The following RFX3 variants were observed in gnomAD, a reference collection of about 807,000 sequenced individuals.
The protein encoded by RFX3 is transcription factor RFX3.
Under a neutral mutation model 98.6 loss-of-function variants are expected in RFX3, and 14 were observed. The ratio of observed to expected loss-of-function variants is 0.14; its 90% CI spans 0.09 to 0.22. The LOEUF (loss-of-function observed/expected upper bound fraction) is 0.22. Among genes scored for constraint, RFX3 ranks in the 10% least tolerant of loss-of-function variants. The pLI is 1.00. For synonymous variants in RFX3, 383 were observed against 328.4 expected (o/e 1.17, Z -1.80); for missense variants, 639 against 926.9 (o/e 0.69, Z 4.03).
intron 1 of RFX3, among the ~76,000 whole-genome samples, chr9:3,426,656 A>C (rs1844065351): frequency 6.6e-6 from 1 of 152,144 alleles, no homozygotes; most frequent in African/African-American, 2.4e-5. Flanking sequence ...ATAGGAATGC[A>C]AACCCTGTTG....
intron 14 of RFX3, among the ~76,000 whole-genome samples, chr9:3,253,031 A>T (rs920127909): frequency 7.9e-5 from 12 of 152,232 alleles, no homozygotes. Flanking sequence ...CTTCCGTAAG[A>T]AATGTTGTAA....
chr9:3,228,995 A>T lies in RFX3; in HGVS notation c.1969-106T>A, dbSNP rs532603694. The T allele has an allele frequency of 2.3e-5, 20 of 856,920 alleles. 1 individual carries two copies. Among genetic ancestry groups the T allele is most frequent in the South Asian group, 1.8e-4 (9 of 49,518 alleles). The allele number at this position is 856,920 out of a possible 1,614,324, so 53.1% of individuals were successfully genotyped here. On this transcript the variant is annotated intron_variant, in intron 15 of 16. Transcript: ENST00000617270. ...CAATCTATGACTCTTTAAAACTGTA[A>T]ACTAGTGGCCATTTTGATCTCTAAT...
intron 2 of RFX3, among the ~76,000 whole-genome samples, chr9:3,373,009 A>G (rs905845141): frequency 6.6e-6 from 1 of 152,224 alleles, no homozygotes; most frequent in Non-Finnish European, 1.5e-5. Context: ...TTATAATACA[A>G]AACTAAAAAT....
At chr9:3,377,084 C>T (rs1014115190) in intron 2 of RFX3, among the ~76,000 whole-genome samples, 27 of 152,152 alleles carry the variant, frequency 1.8e-4, no homozygotes, top group African/African-American at 6.5e-4. Context: ...CCCAGCCATC[C>T]CATTACTGGG....
At chr9:3,254,664 A>G (rs903813057) in intron 14 of RFX3, among the ~76,000 whole-genome samples, 1 of 151,910 alleles carries the variant, frequency 6.6e-6, no homozygotes, top group South Asian at 2.1e-4. Context: ...CAGCCTCCCG[A>G]GTAGCTGGGA....
At chr9:3,514,123 A>G (rs780489320) in intron 1 of RFX3, among the ~76,000 whole-genome samples, 3 of 152,218 alleles carry the variant, frequency 2.0e-5, no homozygotes, top group Admixed American at 6.5e-5. Context: ...GTGAGACACT[A>G]TTAAAAATTG....
At chr9:3,396,569 C>G (rs1183630692) in intron 1 of RFX3, among the ~76,000 whole-genome samples, 1 of 152,166 alleles carries the variant, frequency 6.6e-6, no homozygotes, top group Non-Finnish European at 1.5e-5. Flanking sequence ...AACGGGATGG[C>G]TGGGTCAAAT....
rs1015176289 is a variant in RFX3, at chr9:3,489,041, A to C, written c.-9+36706T>G. ...TTAGAAATTAAAGTGTAGTATTTAA[A>C]GATAAATTATTAATACTTTTCAAAA... On this transcript the variant is annotated intron_variant, in intron 1 of 16. Coordinates refer to ENST00000617270, the MANE Select transcript of RFX3 (RefSeq NM_001282116.2). 11 of 290,340 alleles carry C rather than the reference A, an allele frequency of 3.8e-5. No homozygotes were observed. The South Asian group carries it at 1.3e-3, about 35-fold the overall frequency. 18.0% of individuals were successfully genotyped at this position (290,340 alleles called of 1,614,324 possible).
At chr9:3,474,767 ACC>A (rs1214789644) in intron 1 of RFX3, among the ~76,000 whole-genome samples, 1 of 152,134 alleles carries the variant, frequency 6.6e-6, no homozygotes, top group East Asian at 1.9e-4. Context: ...CACCATTAGA[ACC>A]CTAATCAATC....
chr9:3,281,343 G>A (rs1364160250), intron 7 of RFX3, among the ~76,000 whole-genome samples: 4 of 150,116 alleles, frequency 2.7e-5, no homozygotes, highest in African/African-American at 9.8e-5. Context: ...TTAAAAAACA[G>A]GTAAGATTTC....
intron 2 of RFX3, among the ~76,000 whole-genome samples, chr9:3,354,997 C>T (rs1255974763): frequency 6.6e-6 from 1 of 151,764 alleles, no homozygotes; most frequent in Non-Finnish European, 1.5e-5. Flanking sequence ...ATTGAAAATA[C>T]TCTTTTATAA....
intron 3 of RFX3, 127 bp from the exon 4 acceptor site, chr9:3,330,644 T>G (rs1052508766): frequency 3.6e-6 from 3 of 836,560 alleles, no homozygotes; most frequent in Non-Finnish European, 5.5e-6. Context: ...AGTTTCGCAT[T>G]TTGTACAAAA....
rs373247958 is a variant in RFX3 at position 3,272,764 on chromosome 9, AT to A, written c.1087-1647del. Reference sequence around the variant, plus strand: ...TGTAAGAACACTTCTTTTAACCTACATTAAAAAAAATATTTCAGCAACTTGT... The same window carrying A: ...TGTAAGAACACTTCTTTTAACCTACATAAAAAAAATATTTCAGCAACTTGT... On this transcript the variant is annotated intron_variant, in intron 9 of 16. Coordinates refer to ENST00000617270, the MANE Select transcript of RFX3 (RefSeq NM_001282116.2). 3.1e-3 allele frequency among the ~76,000 whole-genome samples: 468 copies of A among 152,280 alleles called. 5 individuals are homozygous for A. The highest frequency in any genetic ancestry group is 0.011 in the African/African-American group (448 of 41,558).
intron 1 of RFX3, among the ~76,000 whole-genome samples, chr9:3,430,522 T>C (rs1038436914): frequency 3.3e-5 from 5 of 152,236 alleles, no homozygotes; most frequent in African/African-American, 1.2e-4. Context: ...AAAATTTTTT[T>C]AGAGAAATAA....
chr9:3,283,119 G>C (rs1826126722), intron 7 of RFX3, among the ~76,000 whole-genome samples: 1 of 151,522 alleles, frequency 6.6e-6, no homozygotes, highest in African/African-American at 2.4e-5. Flanking sequence ...TTAATGTCTA[G>C]GAAAGGAATG....
intron 2 of RFX3, among the ~76,000 whole-genome samples, chr9:3,355,413 T>G (rs113423737): frequency 0.016 from 2,484 of 151,994 alleles, 77 homozygotes; most frequent in African/African-American, 0.056. Flanking sequence ...CTGGCTATAT[T>G]AATATCAGTC....
chr9:3,443,650 G>A (rs1300752286), intron 1 of RFX3, among the ~76,000 whole-genome samples: 1 of 152,142 alleles, frequency 6.6e-6, no homozygotes, highest in Non-Finnish European at 1.5e-5. Flanking sequence ...ATTGTGAATA[G>A]TGCTGCAATA....
chr9:3,346,801 GT>G, intron 2 of RFX3, 37 bp from the exon 3 acceptor site: 1 of 1,276,868 alleles, frequency 7.8e-7, no homozygotes, highest in Admixed American at 1.7e-5. Context: ...TAAGAGGTAG[GT>G]ATGATAGGAA....
chr9:3,239,934 A>G (rs1586695935), intron 15 of RFX3, among the ~76,000 whole-genome samples: 1 of 152,102 alleles, frequency 6.6e-6, no homozygotes, highest in East Asian at 1.9e-4. Context: ...CTCTTCTCCA[A>G]CTCTACCATT....
Sources: allele counts gnomAD v4.1 joint callset (sites outside exome capture counted in the v4.1 genomes callset), GRCh38; gene constraint gnomAD v4.1.1; transcripts MANE v1.5; gene names NCBI Gene and HGNC (gene_info 2026-07-23, HGNC 2026-07-21).